The following RAB11FIP3 variants were observed in gnomAD, a reference collection of about 807,000 sequenced individuals.
RAB11FIP3 encodes RAB11 family interacting protein 3, also known as rab11 family-interacting protein 3.
A neutral mutation model predicts 77.8 loss-of-function variants in RAB11FIP3; 17 were observed. The ratio of observed to expected loss-of-function variants is 0.22; its 90% CI spans 0.15 to 0.33. RAB11FIP3 has a LOEUF of 0.33. Among genes scored for constraint, RAB11FIP3 ranks in the 10% least tolerant of loss-of-function variants. The probability of loss-of-function intolerance (pLI) is 1.00; values close to 1 mark genes in which losing one functional copy is unlikely to be tolerated. For missense variants in RAB11FIP3, 1,005 were observed against 1,011.2 expected (o/e 0.99, Z 0.08); for synonymous variants, 437 against 448.2 (o/e 0.98, Z 0.31).
intron 6 of RAB11FIP3, chr16:497,544 C>T: frequency 9.7e-7 from 1 of 1,031,334 alleles, no homozygotes; most frequent in East Asian, 6.5e-5. Context: ...TCTCCAGCTT[C>T]CTCTGGAGCA....
chr16:509,720 C>A (rs78005660), intron 8 of RAB11FIP3, among the ~76,000 whole-genome samples: 3,566 of 152,306 alleles, frequency 0.023, 132 homozygotes, highest in African/African-American at 0.079. Flanking sequence ...ACCCACTTCC[C>A]CAGCCTGGAG....
At position 426,445 on chromosome 16, in the gene RAB11FIP3, G is replaced by T; in HGVS notation, c.439G>T (p.Gly147Trp). The T allele has an allele frequency of 6.3e-7, 1 of 1,584,840 alleles. No individual in the cohort carries two copies. Among genetic ancestry groups the T allele is most frequent in the East Asian group, 2.3e-5 (1 of 43,590 alleles). ...CPESAPFRLQ[G>W]SSSSHRARGE... ...GGAGAGCGCGCCTTTCCGCTTGCAG[G>T]GGTCCAGCAGCAGCCACCGAGCGCG... Residue 147 changes from glycine to tryptophan, a missense_variant, in exon 1 of 14, where the codon GGG (glycine) becomes TGG (tryptophan). Around this residue, in one of 4 missense-constraint regions of RAB11FIP3, gnomAD observed 466 missense variants for 408.3 expected, o/e 1.14. Transcript: ENST00000262305. The surrounding 1 kb of genome is among the most constrained non-coding windows in gnomAD (Gnocchi z 5.0).
At chr16:477,712 C>T (rs898498876) in intron 3 of RAB11FIP3, 37 of 972,262 alleles carry the variant, frequency 3.8e-5, no homozygotes, top group Non-Finnish European at 4.4e-5. Context: ...CTGGATGTTA[C>T]AGTGGATGCT....
intron 5 of RAB11FIP3, among the ~76,000 whole-genome samples, chr16:496,027 G>C (rs549293389): frequency 6.6e-6 from 1 of 152,276 alleles, no homozygotes; most frequent in South Asian, 2.1e-4. Flanking sequence ...TCAGATTGTA[G>C]GCATGAGCCA....
intron 1 of RAB11FIP3, among the ~76,000 whole-genome samples, chr16:447,739 A>G (rs1198906254): frequency 1.3e-5 from 2 of 152,156 alleles, no homozygotes; most frequent in Non-Finnish European, 2.9e-5. Flanking sequence ...CTCCATCTCC[A>G]AAAAAGAAAA....
chr16:428,109 A>AAAAAC (rs2054981490), intron 1 of RAB11FIP3, among the ~76,000 whole-genome samples: 1 of 151,660 alleles, frequency 6.6e-6, no homozygotes, highest in Non-Finnish European at 1.5e-5. Flanking sequence ...TCAAAAAAAA[A>AAAAAC]AAACAGCAAC....
At chr16:490,635 C>T (rs1439892305) in intron 5 of RAB11FIP3, among the ~76,000 whole-genome samples, 6 of 152,186 alleles carry the variant, frequency 3.9e-5, no homozygotes, top group Admixed American at 3.9e-4. Flanking sequence ...TAACGCACAT[C>T]TTAAAAAATC....
intron 6 of RAB11FIP3, among the ~76,000 whole-genome samples, chr16:500,786 C>T (rs533355650): frequency 1.8e-4 from 28 of 151,606 alleles, no homozygotes; most frequent in East Asian, 1.7e-3. Flanking sequence ...TTGGTGGCCA[C>T]GTGTGGTGGC....
In RAB11FIP3 at chr16:444,346, A is replaced by G. The variant is rs115359163; in HGVS notation, c.715-17058A>G. ...AGGGTAGTAGACTAAGGCAGGCAGC[A>G]GCAGGACGGTGCTGAGAACGGCTCT... On this transcript the variant is annotated intron_variant, in intron 1 of 13. Coordinates refer to ENST00000262305, the MANE Select transcript of RAB11FIP3 (RefSeq NM_014700.4). 6.0e-3 allele frequency among the ~76,000 whole-genome samples: 907 copies of G among 152,242 alleles called. 9 individuals carry two copies. The highest frequency in any genetic ancestry group is 0.021 in the African/African-American group (861 of 41,548).
Position 482,538 on chromosome 16 carries a change from C to T in RAB11FIP3, c.917C>T (p.Thr306Met). Residue 306 changes from threonine to methionine, a missense_variant, in exon 4 of 14, where the codon ACG becomes ATG. This residue lies in a region of RAB11FIP3 where 16 missense variants were observed against 37.1 expected (regional missense o/e 0.43). Transcript: ENST00000262305. ...DFVTYEANEV[T>M]DSAYMGSEST... is the part of the protein sequence containing the mutation. ...ACTCTCTCCTAGGCCAACGAGGTGA[C>T]GGACAGCGCGTACATGGGCTCCGAG... The T allele has an allele frequency of 6.2e-7, 1 of 1,613,522 alleles. No homozygotes were observed. The highest frequency in any genetic ancestry group is 8.5e-7 in the Non-Finnish European group (1 of 1,180,014).
chr16:503,184 G>A, intron 7 of RAB11FIP3, 87 bp downstream of exon 7: 1 of 1,102,258 alleles, frequency 9.1e-7, no homozygotes, highest in Non-Finnish European at 1.3e-6. Context: ...CCCGGGAGGT[G>A]GGGACAGCAC....
chr16:461,648 C>A lies in RAB11FIP3; in HGVS notation c.808+151C>A. On this transcript the variant is annotated intron_variant, in intron 2 of 13. Transcript: ENST00000262305. This position sits in a 1 kb window ranked among gnomAD's most constrained non-coding sequence, Gnocchi z 4.5. ...CATACCCCAGGTTTCCAGGTGGTCT[C>A]TTTCCTTTCTTGTTACCTTCTCCTC... is the stretch of plus-strand genomic sequence containing the variant. 1 of 602,352 alleles carries A rather than the reference C, an allele frequency of 1.7e-6. No individual in the cohort carries two copies. Among genetic ancestry groups the A allele is most frequent in the South Asian group, 2.2e-5 (1 of 46,172 alleles). 37.3% of individuals were successfully genotyped at this position (602,352 alleles called of 1,614,324 possible).
intron 1 of RAB11FIP3, among the ~76,000 whole-genome samples, chr16:459,112 T>A (rs909922021): frequency 6.6e-6 from 1 of 151,732 alleles, no homozygotes; most frequent in African/African-American, 2.4e-5. Context: ...CAAATATTTA[T>A]CAGTGTTCAA....
intron 5 of RAB11FIP3, among the ~76,000 whole-genome samples, chr16:495,203 G>T (rs2031010300): frequency 6.6e-6 from 1 of 152,190 alleles, no homozygotes; most frequent in Non-Finnish European, 1.5e-5. Context: ...TGAGGCACTG[G>T]TTGGGATGAG....
intron 9 of RAB11FIP3, among the ~76,000 whole-genome samples, chr16:515,614 A>T (rs925990474): frequency 2.7e-5 from 4 of 150,666 alleles, no homozygotes; most frequent in African/African-American, 9.8e-5. Context: ...GCTGACACGG[A>T]CCGGGGTTCG....
chr16:495,770 A>G (rs192928611), intron 5 of RAB11FIP3, among the ~76,000 whole-genome samples: 3 of 152,236 alleles, frequency 2.0e-5, no homozygotes, highest in Admixed American at 2.0e-4. Flanking sequence ...TTTCTTTGAG[A>G]CAGAGTTTCA....
At chr16:496,154 G>A (rs1314832071) in intron 5 of RAB11FIP3, among the ~76,000 whole-genome samples, 1 of 152,202 alleles carries the variant, frequency 6.6e-6, no homozygotes, top group Non-Finnish European at 1.5e-5. Flanking sequence ...GGACCGTGAT[G>A]GTTCCCAGGC....
chr16:466,869 G>A (rs2055709395), intron 2 of RAB11FIP3, among the ~76,000 whole-genome samples: 1 of 152,172 alleles, frequency 6.6e-6, no homozygotes, highest in Non-Finnish European at 1.5e-5. Flanking sequence ...CTGCTTGAGA[G>A]GGCGGTGAGC....
At chr16:492,039 A>G (rs1242372707) in intron 5 of RAB11FIP3, among the ~76,000 whole-genome samples, 5 of 152,144 alleles carry the variant, frequency 3.3e-5, no homozygotes, top group Admixed American at 3.3e-4. Flanking sequence ...CGGTTCTAGC[A>G]TGTTTAGAGG....
Sources: allele counts gnomAD v4.1 joint callset (sites outside exome capture counted in the v4.1 genomes callset), GRCh38; gene constraint gnomAD v4.1.1; regional missense constraint gnomAD v4.1.1; non-coding constraint Gnocchi (gnomAD v3.1); transcripts MANE v1.5; gene names NCBI Gene and HGNC (gene_info 2026-07-23, HGNC 2026-07-21).